The following CPT1A variants were observed in gnomAD, a reference collection of about 807,000 sequenced individuals.
The protein encoded by CPT1A is carnitine palmitoyltransferase 1A, also known as carnitine O-palmitoyltransferase 1, liver isoform.
CPT1A carries 64 observed loss-of-function variants against 100.8 expected under a neutral mutation model. That is an observed-to-expected ratio of 0.63 (90% confidence interval 0.52 to 0.78). CPT1A has a LOEUF of 0.78. Ranked by LOEUF, CPT1A falls within the 30% of genes least tolerant of loss-of-function variation. The pLI is 0.00. For synonymous variants in CPT1A, 363 were observed against 396.0 expected (o/e 0.92, Z 0.99); for missense variants, 802 against 1,034.1 (o/e 0.78, Z 3.08).
At position 68,839,966 on chromosome 11, in the gene CPT1A, CT is replaced by C. The variant is rs1344887010; in HGVS notation, c.-14+1808del. Among the ~76,000 whole-genome samples the C allele has an allele frequency of 5.9e-5, 9 of 152,254 alleles. No individual in the cohort carries two copies. In the East Asian group the frequency reaches 1.7e-3, roughly 29 times the overall value. On this transcript the variant is annotated intron_variant, in intron 1 of 18. Transcript: ENST00000265641. ...CTGTGCATGATGCCAACTTCTGCCA[CT>C]TTGAAACAAAGTGTGTGCACTCCCA...
At chr11:68,761,833 A>T (rs1854628550) in intron 15 of CPT1A, 146 bp from the exon 16 acceptor site, 1 of 926,400 alleles carries the variant, frequency 1.1e-6, no homozygotes, top group Admixed American at 1.9e-5. Context: ...GTGGTTTCGA[A>T]CTCCTGAGCT....
At position 68,838,571 on chromosome 11, in the gene CPT1A, T is replaced by TAAAAAAA. The variant is rs1177976460; in HGVS notation, c.-14+3203_-14+3204insTTTTTTT. On this transcript the variant is annotated intron_variant, in intron 1 of 18. Transcript: ENST00000265641. ...GACTCTACTCTGTATCTGCACCTTT[T>TAAAAAAA]TAAAAAAAAAAAAAAAAAAACAGAG... Among the ~76,000 whole-genome samples the TAAAAAAA allele has an allele frequency of 7.1e-4, 53 of 74,234 alleles. 16 individuals carry two copies. Among genetic ancestry groups the TAAAAAAA allele is most frequent in the South Asian group, 2.3e-3 (5 of 2,144 alleles). The allele number at this position is 74,234 out of a possible 152,430, so 48.7% of individuals were successfully genotyped here.
intron 1 of CPT1A, among the ~76,000 whole-genome samples, chr11:68,828,883 C>G (rs1010178403): frequency 6.6e-6 from 1 of 152,156 alleles, no homozygotes; most frequent in East Asian, 1.9e-4. Flanking sequence ...AAGCTGGCCC[C>G]GGTCCATCTG....
intron 14 of CPT1A, among the ~76,000 whole-genome samples, chr11:68,767,960 T>C (rs1854858157): frequency 6.6e-6 from 1 of 151,920 alleles, no homozygotes; most frequent in South Asian, 2.1e-4. Context: ...CAAAACCACC[T>C]TTGGAGGAAG....
rs191670343 is a variant in CPT1A at position 68,839,834 on chromosome 11, G to A, written c.-14+1941C>T. On this transcript the variant is annotated intron_variant, in intron 1 of 18. Coordinates refer to ENST00000265641, the MANE Select transcript of CPT1A (RefSeq NM_001876.4). ...TCGGTGACCACTGGTCCGGGGCCGG[G>A]GCCAAACGCAGCAGCCGCAGCAGTA... 235 of 400,294 alleles carry A rather than the reference G, an allele frequency of 5.9e-4. No homozygotes were observed. In the Middle Eastern group the frequency reaches 0.012, roughly 21 times the overall value. 24.8% of individuals were successfully genotyped at this position (400,294 alleles called of 1,614,324 possible).
chr11:68,782,082 G>T, intron 10 of CPT1A, 123 bp from the exon 11 acceptor site: 3 of 884,520 alleles, frequency 3.4e-6, no homozygotes, highest in South Asian at 1.5e-5. Flanking sequence ...ACTCCATGTT[G>T]ATGATGTTCC....
chr11:68,775,575 C>G, intron 12 of CPT1A, 143 bp from the exon 13 acceptor site: 1 of 681,746 alleles, frequency 1.5e-6, no homozygotes, highest in Non-Finnish European at 2.6e-6. Context: ...TGCTCAGCAC[C>G]TAATGAGGTG....
At chr11:68,758,558 C>T (rs1946738040) in intron 18 of CPT1A, among the ~76,000 whole-genome samples, 1 of 151,856 alleles carries the variant, frequency 6.6e-6, no homozygotes, top group African/African-American at 2.4e-5. Context: ...CAACGTTAAG[C>T]TTCAAAACCA....
At chr11:68,798,283 G>A (rs1855809279) in intron 6 of CPT1A, among the ~76,000 whole-genome samples, 1 of 152,158 alleles carries the variant, frequency 6.6e-6, no homozygotes, top group Admixed American at 6.5e-5. Context: ...CCTCGTGTGC[G>A]GAGAGCTGTG....
chr11:68,814,665 C>T (rs987431585), intron 2 of CPT1A, among the ~76,000 whole-genome samples: 12 of 151,068 alleles, frequency 7.9e-5, no homozygotes, highest in Non-Finnish European at 1.6e-4. Context: ...TTATTACATC[C>T]ACTTGCTGAA....
At position 68,759,625 on chromosome 11, in the gene CPT1A, C is replaced by A. The variant is rs1380178191; in HGVS notation, c.2179G>T (p.Val727Leu). The change falls in exon 18 of 19, where the codon GTG becomes TTG. Residue 727 changes from valine to leucine, a missense_variant. Val to Leu is a conservative substitution (Grantham distance 32). Around this residue, in one of 4 missense-constraint regions of CPT1A, gnomAD observed 627 missense variants for 799.3 expected, o/e 0.78. Coordinates refer to ENST00000265641, the MANE Select transcript of CPT1A (RefSeq NM_001876.4). ...DDGYGVSYIL[V>L]GENLINFHIS... ...TGGAAATTGATGAGGTTCTCTCCCA[C>A]AAGGATGTACGACACACCATAGCCG... 4 of 1,613,788 alleles carry A rather than the reference C, an allele frequency of 2.5e-6. No homozygotes were observed. The African/African-American group carries it at 5.3e-5, about 22-fold the overall frequency.
chr11:68,803,900 A>G (rs1855975150), intron 5 of CPT1A, 100 bp downstream of exon 5: 1 of 924,554 alleles, frequency 1.1e-6, no homozygotes. Context: ...GCTGAAGGCT[A>G]CTTGAGCCAA....
chr11:68,801,629 G>GA (rs746559700), intron 5 of CPT1A, among the ~76,000 whole-genome samples: 362 of 125,552 alleles, frequency 2.9e-3, no homozygotes, highest in Middle Eastern at 3.8e-3. Context: ...GACTCTGTCT[G>GA]AAAAAAAAAA....
At chr11:68,780,334 G>A (rs1039370488) in intron 12 of CPT1A, among the ~76,000 whole-genome samples, 1 of 152,214 alleles carries the variant, frequency 6.6e-6, no homozygotes, top group Non-Finnish European at 1.5e-5. Context: ...CCAGGCCGGA[G>A]TGCAGTGGCA....
At chr11:68,768,946 A>G (rs1358711640) in intron 14 of CPT1A, among the ~76,000 whole-genome samples, 1 of 151,754 alleles carries the variant, frequency 6.6e-6, no homozygotes, top group Non-Finnish European at 1.5e-5. Context: ...GCCTTTACCA[A>G]CCCCGTAGGC....
intron 5 of CPT1A, among the ~76,000 whole-genome samples, chr11:68,803,033 T>G (rs1290140707): frequency 6.6e-6 from 1 of 152,168 alleles, no homozygotes; most frequent in Non-Finnish European, 1.5e-5. Flanking sequence ...AGAAGCACCC[T>G]GTCCTCAGAC....
At chr11:68,785,358 C>T (rs1439369098) in intron 9 of CPT1A, among the ~76,000 whole-genome samples, 1 of 151,752 alleles carries the variant, frequency 6.6e-6, no homozygotes, top group Non-Finnish European at 1.5e-5. Context: ...GTCAGGAGTT[C>T]GAGACCAGCC....
intron 14 of CPT1A, 142 bp downstream of exon 14, chr11:68,773,122 GC>G: frequency 6.8e-7 from 1 of 1,467,528 alleles, no homozygotes; most frequent in South Asian, 1.3e-5. Context: ...ACGCCACCCG[GC>G]CCCCGGAGAC....
chr11:68,760,397 C>T (rs375225369), intron 16 of CPT1A, 59 bp from the exon 17 acceptor site: 82 of 1,386,290 alleles, frequency 5.9e-5, no homozygotes, highest in Admixed American at 7.8e-5. Context: ...CCTCAGGAGT[C>T]GCTTTGGGAA....
Sources: gnomAD v4.1 joint callset for allele counts (sites outside exome capture counted in the v4.1 genomes callset) on GRCh38, gnomAD v4.1.1 for gene constraint, gnomAD v4.1.1 regional missense constraint, MANE v1.5 for transcripts, NCBI Gene and HGNC (gene_info 2026-07-23, HGNC 2026-07-21) for gene names.